The following CAPS2 variants were observed in gnomAD, a reference collection of about 807,000 sequenced individuals.
CAPS2 encodes the protein calcyphosine 2.
Under a neutral mutation model 86.5 loss-of-function variants are expected in CAPS2, and 98 were observed. The observed-to-expected ratio is 1.13, with a 90% CI of 0.96 to 1.34. The LOEUF (loss-of-function observed/expected upper bound fraction) is 1.34. CAPS2 is among the 40% of genes most tolerant of loss of function. The pLI is 0.00. For synonymous variants in CAPS2, 210 were observed against 225.1 expected, an observed-to-expected ratio of 0.93 and a Z score of 0.60; for missense variants, 729 against 686.8, an observed-to-expected ratio of 1.06 and a Z score of -0.69.
At chr12:75,367,010 G>A (rs1242319267) in intron 1 of CAPS2, 2 of 701,356 alleles carry the variant, frequency 2.9e-6, no homozygotes, top group African/African-American at 3.5e-5. Context: ...TCAGAGCTGA[G>A]GAGGTAAGTC....
At chr12:75,331,024 AT>A (rs540204031), upstream of CAPS2, among the ~76,000 whole-genome samples, 24 of 152,236 alleles carry the variant, frequency 1.6e-4, no homozygotes, top group South Asian at 5.0e-3. Context: ...ACCTCAGGTG[AT>A]ACCCTGCCTC....
upstream of CAPS2, among the ~76,000 whole-genome samples, chr12:75,329,217 G>T (rs2041069490): frequency 6.6e-6 from 1 of 152,152 alleles, no homozygotes; most frequent in African/African-American, 2.4e-5. Context: ...ACCTAAACTT[G>T]GTGGCACAAG....
At chr12:75,358,502 A>G (rs868006928) in intron 1 of CAPS2, among the ~76,000 whole-genome samples, 15 of 151,378 alleles carry the variant, frequency 9.9e-5, no homozygotes, top group African/African-American at 3.6e-4. Flanking sequence ...CCAAACATTC[A>G]TTCCTGATGA....
rs1277351783 is a variant in CAPS2 at position 75,323,175 on chromosome 12, A to G, written c.177+2T>C. ...TTATATTAAATACTAAATAAAAATT[A>G]CCTCATCATCAGAGTCAACAAGGCT... On this transcript the variant is annotated splice_donor_variant, in intron 3 of 16. Transcript: ENST00000393284. LOFTEE classifies it high-confidence loss of function. The G allele has an allele frequency of 1.3e-6, 2 of 1,533,778 alleles. No homozygotes were observed. The highest frequency in any genetic ancestry group is 1.8e-6 in the Non-Finnish European group (2 of 1,134,664).
intron 5 of CAPS2, among the ~76,000 whole-genome samples, chr12:75,320,669 C>T (rs2040216755): frequency 6.6e-6 from 1 of 151,782 alleles, no homozygotes; most frequent in African/African-American, 2.4e-5. Context: ...TAAGCAAATA[C>T]AACATTAAAA....
chr12:75,334,768 G>C (rs1268264223), upstream of CAPS2: 2 of 1,613,938 alleles, frequency 1.2e-6, no homozygotes, highest in Non-Finnish European at 8.5e-7. Flanking sequence ...ATGGATCTTG[G>C]GTCTGTGTTT....
chr12:75,317,656 C>T (rs1002411206), intron 5 of CAPS2, among the ~76,000 whole-genome samples: 3 of 152,018 alleles, frequency 2.0e-5, no homozygotes, highest in African/African-American at 7.2e-5. Flanking sequence ...GCCTTAGATC[C>T]ATTGTTTTTT....
chr12:75,340,563 T>A (rs2042033921), intron 1 of CAPS2, among the ~76,000 whole-genome samples: 1 of 151,986 alleles, frequency 6.6e-6, no homozygotes, highest in Non-Finnish European at 1.5e-5. Flanking sequence ...CCGAAAACTA[T>A]TTTTAAAAAG....
upstream of CAPS2, among the ~76,000 whole-genome samples, chr12:75,332,793 G>C (rs893781947): frequency 2.0e-5 from 3 of 152,162 alleles, no homozygotes; most frequent in Admixed American, 6.5e-5. Context: ...CAATCTGATA[G>C]AGAAGGCAGA....
intron 1 of CAPS2, chr12:75,360,723 C>T (rs2043522086): frequency 6.6e-6 from 1 of 152,218 alleles, no homozygotes; most frequent in Non-Finnish European, 1.5e-5. Context: ...CCTGTTCTCA[C>T]AGCTCCACTA....
chr12:75,381,117 CA>C, intron 1 of CAPS2, among the ~76,000 whole-genome samples: 1 of 152,214 alleles, frequency 6.6e-6, no homozygotes, highest in Admixed American at 6.5e-5. Context: ...AGGAGGGACC[CA>C]GGGGGAGGTA....
At chr12:75,321,334 A>G (rs958909362) in intron 5 of CAPS2, 66 bp downstream of exon 5, 3 of 1,001,148 alleles carry the variant, frequency 3.0e-6, no homozygotes, top group Admixed American at 5.7e-5. Flanking sequence ...ACACAAAAAG[A>G]GATTTCTGTA....
intron 1 of CAPS2, chr12:75,347,748 T>C (rs1481378383): frequency 6.8e-6 from 10 of 1,462,014 alleles, no homozygotes; most frequent in Admixed American, 1.7e-5. Flanking sequence ...TTAAAAATAT[T>C]TTAATTGAAA....
At chr12:75,357,725 A>C (rs756112728) in intron 1 of CAPS2, among the ~76,000 whole-genome samples, 3 of 152,076 alleles carry the variant, frequency 2.0e-5, no homozygotes, top group Non-Finnish European at 4.4e-5. Context: ...TCCAATGTCC[A>C]ATATTTGAAT....
intron 1 of CAPS2, chr12:75,390,409 T>C: frequency 2.2e-6 from 1 of 456,278 alleles, no homozygotes; most frequent in South Asian, 1.5e-5. Context: ...AGAAATGTTT[T>C]AACCTTTGAA....
intron 1 of CAPS2, among the ~76,000 whole-genome samples, chr12:75,345,958 A>G (rs2042416730): frequency 6.6e-6 from 1 of 152,238 alleles, no homozygotes; most frequent in Admixed American, 6.5e-5. Flanking sequence ...ATATTCTTAT[A>G]AAATCAACAA....
intron 16 of CAPS2, among the ~76,000 whole-genome samples, chr12:75,281,631 A>AAT: frequency 6.6e-6 from 1 of 152,168 alleles, no homozygotes; most frequent in African/African-American, 2.4e-5. Flanking sequence ...TATTAACTGA[A>AAT]ATATATATAT....
In CAPS2 at chr12:75,343,785, C is replaced by T. The variant is rs577634037; in HGVS notation, c.-394-20563G>A. On this transcript the variant is annotated intron_variant, in intron 1 of 5. Transcript: ENST00000551829. ...ACTGTTTGGATAAATCATATAAATGCTATGCAGCTTTTGAATATGTTGGAG... is the reference window on the plus strand; with the variant it reads ...ACTGTTTGGATAAATCATATAAATGTTATGCAGCTTTTGAATATGTTGGAG... 17 of 1,612,948 alleles carry T rather than the reference C, an allele frequency of 1.1e-5. No individual in the cohort carries two copies. In the African/African-American group the frequency reaches 1.3e-4, roughly 13 times the overall value.
chr12:75,341,083 TTGCACTTC>T (rs2042072225), intron 1 of CAPS2, among the ~76,000 whole-genome samples: 1 of 151,962 alleles, frequency 6.6e-6, no homozygotes, highest in Admixed American at 6.6e-5. Context: ...AGACTTGCAA[TTGCACTTC>T]TGGGCACTTT....
Sources: gnomAD v4.1 joint callset for allele counts (sites outside exome capture counted in the v4.1 genomes callset) on GRCh38, gnomAD v4.1.1 for gene constraint, MANE v1.5 for transcripts, NCBI Gene and HGNC (gene_info 2026-07-23, HGNC 2026-07-21) for gene names.